Variants in HMGB1 observed in about 807,000 individuals in gnomAD.
HMGB1 encodes high mobility group protein B1.
For missense variants in HMGB1, 79 were observed against 253.5 expected, an observed-to-expected ratio of 0.31 and a Z score of 4.67; for synonymous variants, 81 against 84.0, an observed-to-expected ratio of 0.96 and a Z score of 0.19.
At chr13:30,578,310 T>C (rs1157471049) in intron 1 of HMGB1, among the ~76,000 whole-genome samples, 3 of 151,354 alleles carry the variant, frequency 2.0e-5, no homozygotes, top group Non-Finnish European at 4.4e-5. Context: ...AGTGACCTGT[T>C]GGTGTGTCTT....
intron 1 of HMGB1, among the ~76,000 whole-genome samples, chr13:30,520,814 G>C (rs1419064791): frequency 6.6e-6 from 1 of 152,092 alleles, no homozygotes; most frequent in African/African-American, 2.4e-5. Context: ...AAAAGCTCTT[G>C]GGGCTGGGCT....
chr13:30,564,571 T>C (rs1452151159), intron 1 of HMGB1, among the ~76,000 whole-genome samples: 4 of 152,248 alleles, frequency 2.6e-5, no homozygotes, highest in Non-Finnish European at 5.9e-5. Flanking sequence ...AGAAGGTTTA[T>C]AATACCTAAA....
intron 1 of HMGB1, among the ~76,000 whole-genome samples, chr13:30,600,643 G>A (rs1186391470): frequency 2.6e-5 from 4 of 151,904 alleles, no homozygotes; most frequent in Non-Finnish European, 5.9e-5. Context: ...TTTTGCTCTT[G>A]TTGACCAGGC....
intron 1 of HMGB1, among the ~76,000 whole-genome samples, chr13:30,522,362 T>C (rs1451862774): frequency 6.6e-6 from 1 of 152,128 alleles, no homozygotes; most frequent in Non-Finnish European, 1.5e-5. Flanking sequence ...TCTCAGCCTC[T>C]TAAAGTGTTG....
chr13:30,532,864 G>T (rs1371998407), intron 1 of HMGB1, among the ~76,000 whole-genome samples: 1 of 152,142 alleles, frequency 6.6e-6, no homozygotes, highest in Non-Finnish European at 1.5e-5. Flanking sequence ...ATCCATGCAT[G>T]TGAATCTGTG....
intron 1 of HMGB1, among the ~76,000 whole-genome samples, chr13:30,567,448 C>G (rs972000595): frequency 2.0e-5 from 3 of 150,746 alleles, no homozygotes; most frequent in South Asian, 4.2e-4. Flanking sequence ...GGTACTGGTT[C>G]AAGCAATTCT....
chr13:30,556,072 G>A (rs1487426408), intron 1 of HMGB1, among the ~76,000 whole-genome samples: 1 of 152,204 alleles, frequency 6.6e-6, no homozygotes, highest in African/African-American at 2.4e-5. Context: ...TCAATAAGCA[G>A]GAGATACCAG....
At chr13:30,500,135 C>T (rs1405998213) in intron 1 of HMGB1, among the ~76,000 whole-genome samples, 1 of 152,138 alleles carries the variant, frequency 6.6e-6, no homozygotes, top group Admixed American at 6.6e-5. Context: ...GCTAGCTTGG[C>T]TCACTCTTGC....
At chr13:30,526,591 C>A (rs1395768513) in intron 1 of HMGB1, among the ~76,000 whole-genome samples, 2 of 152,140 alleles carry the variant, frequency 1.3e-5, no homozygotes, top group Non-Finnish European at 2.9e-5. Flanking sequence ...AATCAAATTG[C>A]TATAATCACA....
chr13:30,461,231 TGTACA>T lies in HMGB1; in HGVS notation c.*121_*125del, dbSNP rs1886307168. 7.3e-7 allele frequency: 1 copy of T among 1,361,002 alleles called. No individual in the cohort carries two copies. The highest frequency in any genetic ancestry group is 9.9e-7 in the Non-Finnish European group (1 of 1,012,166). The allele number at this position is 1,361,002 out of a possible 1,614,324, so 84.3% of individuals were successfully genotyped here. A position where few individuals can be genotyped will look rare whatever the true frequency, so the allele number is the denominator to read the frequency against. On this transcript the variant is annotated 3_prime_UTR_variant, in exon 5 of 5. Transcript: ENST00000341423. ...GTGTTAACTATACAAAAAAAGACAC[TGTACA>T]GTTTAAAAACAAATCTTACACAGCC...
intron 1 of HMGB1, chr13:30,464,615 G>T (rs1014401749): frequency 5.8e-5 from 57 of 983,808 alleles, no homozygotes; most frequent in Non-Finnish European, 1.9e-5. Flanking sequence ...CAGGCTCGGC[G>T]CAGGGAGAAG....
At chr13:30,478,871 C>CTTTTTTTTTTTTT (rs3042542) in intron 1 of HMGB1, among the ~76,000 whole-genome samples, 1 of 126,138 alleles carries the variant, frequency 7.9e-6, no homozygotes, top group South Asian at 2.8e-4. Context: ...CTTTTCTTTT[C>CTTTTTTTTTTTTT]TTTTTTTTTT....
upstream of HMGB1, among the ~76,000 whole-genome samples, chr13:30,466,619 G>A (rs1256856226): frequency 6.6e-6 from 1 of 152,194 alleles, no homozygotes; most frequent in Non-Finnish European, 1.5e-5. Context: ...TTGAGTCAGT[G>A]AGCAGGCATT....
At chr13:30,541,759 G>T in intron 1 of HMGB1, 1 of 156,196 alleles carries the variant, frequency 6.4e-6, no homozygotes, top group South Asian at 1.7e-4. Flanking sequence ...AGAAGGAAGT[G>T]GTATCTCAAT....
At chr13:30,607,392 G>C (rs1458245691) in intron 1 of HMGB1, among the ~76,000 whole-genome samples, 1 of 151,220 alleles carries the variant, frequency 6.6e-6, no homozygotes, top group Non-Finnish European at 1.5e-5. Context: ...TCTTGTGAAA[G>C]AGTTCTCCGA....
intron 1 of HMGB1, among the ~76,000 whole-genome samples, chr13:30,582,336 G>A (rs759015874): frequency 8.6e-5 from 13 of 151,938 alleles, no homozygotes; most frequent in Non-Finnish European, 1.9e-4. Flanking sequence ...TATCATTTAG[G>A]TGGTTTAAAA....
intron 1 of HMGB1, among the ~76,000 whole-genome samples, chr13:30,508,473 C>A (rs1037316971): frequency 1.3e-5 from 2 of 152,034 alleles, no homozygotes; most frequent in African/African-American, 2.4e-5. Flanking sequence ...GATCACACCA[C>A]CGCACTCCAG....
intron 1 of HMGB1, among the ~76,000 whole-genome samples, chr13:30,601,372 C>T (rs1191209300): frequency 6.6e-6 from 1 of 152,198 alleles, no homozygotes; most frequent in Non-Finnish European, 1.5e-5. Context: ...ATGAAAGAAA[C>T]CCTACCTGGT....
intron 1 of HMGB1, among the ~76,000 whole-genome samples, chr13:30,550,786 G>A (rs1392421251): frequency 6.6e-6 from 1 of 152,062 alleles, no homozygotes; most frequent in Non-Finnish European, 1.5e-5. Context: ...AAATATAAAT[G>A]TTTCCTACTT....
Sources: allele counts gnomAD v4.1 joint callset (sites outside exome capture counted in the v4.1 genomes callset), GRCh38; gene constraint gnomAD v4.1.1; transcripts MANE v1.5; gene names NCBI Gene and HGNC (gene_info 2026-07-23, HGNC 2026-07-21).